EEFSEC: variants seen among roughly 807,000 people sequenced by gnomAD.
EEFSEC encodes eukaryotic elongation factor, selenocysteine-tRNA specific, also known as selenocysteine-specific elongation factor.
A neutral mutation model predicts 42.1 loss-of-function variants in EEFSEC; 43 were observed. The ratio of observed to expected loss-of-function variants is 1.02; its 90% CI spans 0.80 to 1.32. EEFSEC has a LOEUF of 1.32. Ranked by LOEUF, EEFSEC falls within the 40% of genes most tolerant of loss-of-function variation. The pLI, the probability that EEFSEC is intolerant of heterozygous loss-of-function variation, is 0.00. For synonymous variants in EEFSEC, 354 were observed against 339.1 expected, an observed-to-expected ratio of 1.04 and a Z score of -0.48; for missense variants, 745 against 803.6, an observed-to-expected ratio of 0.93 and a Z score of 0.88.
intron 1 of EEFSEC, among the ~76,000 whole-genome samples, chr3:128,171,702 T>C (rs1055785643): frequency 6.6e-6 from 1 of 152,174 alleles, no homozygotes; most frequent in Admixed American, 6.5e-5. Flanking sequence ...CCATAGGCCA[T>C]GTCTGCTTTT....
chr3:128,258,890 G>A (rs2107922584), intron 2 of EEFSEC, among the ~76,000 whole-genome samples: 1 of 152,254 alleles, frequency 6.6e-6, no homozygotes, highest in East Asian at 1.9e-4. Flanking sequence ...AGGGACACAT[G>A]CCCCTGCCTC....
chr3:128,276,208 G>A (rs2066466306), intron 4 of EEFSEC, among the ~76,000 whole-genome samples: 2 of 152,194 alleles, frequency 1.3e-5, no homozygotes, highest in Admixed American at 6.5e-5. Flanking sequence ...GCCTAGCAGG[G>A]TCTAATTCAT....
intron 5 of EEFSEC, among the ~76,000 whole-genome samples, chr3:128,343,681 G>A (rs7644685): frequency 0.015 from 2,272 of 152,290 alleles, 58 homozygotes; most frequent in African/African-American, 0.05. Context: ...TGTCAACAGC[G>A]GTGCAGCAGT....
At chr3:128,372,613 A>G (rs2067667065) in intron 6 of EEFSEC, among the ~76,000 whole-genome samples, 1 of 152,300 alleles carries the variant, frequency 6.6e-6, no homozygotes, top group Admixed American at 6.5e-5. Flanking sequence ...TACCACTGTT[A>G]CTGCCGATGT....
chr3:128,412,988 G>A (rs1162526870), downstream of EEFSEC, among the ~76,000 whole-genome samples: 1 of 152,152 alleles, frequency 6.6e-6, no homozygotes, highest in Admixed American at 6.5e-5. Context: ...CAGGCAGGGG[G>A]ATGGGGCATG....
intron 1 of EEFSEC, among the ~76,000 whole-genome samples, chr3:128,246,232 A>T (rs569658231): frequency 6.0e-4 from 3 of 4,966 alleles, no homozygotes; most frequent in Non-Finnish European, 2.0e-3. Context: ...GCGTGCACGC[A>T]CACACACACA....
At chr3:128,360,154 C>T (rs1271792920) in intron 6 of EEFSEC, among the ~76,000 whole-genome samples, 1 of 152,248 alleles carries the variant, frequency 6.6e-6, no homozygotes, top group Non-Finnish European at 1.5e-5. Flanking sequence ...TCTGTCCTGT[C>T]CTCCCCACTT....
intron 5 of EEFSEC, among the ~76,000 whole-genome samples, chr3:128,349,819 G>A (rs1426417076): frequency 6.6e-6 from 1 of 152,244 alleles, no homozygotes; most frequent in African/African-American, 2.4e-5. Context: ...CCAGGACATG[G>A]CAGGTATATG....
chr3:128,360,107 C>T (rs2067505788), intron 6 of EEFSEC, among the ~76,000 whole-genome samples: 1 of 152,240 alleles, frequency 6.6e-6, no homozygotes, highest in Admixed American at 6.5e-5. Flanking sequence ...CAGAGGCACC[C>T]AGCCATGGGA....
intron 4 of EEFSEC, among the ~76,000 whole-genome samples, chr3:128,318,388 G>A (rs1438183664): frequency 6.6e-6 from 1 of 152,198 alleles, no homozygotes; most frequent in Non-Finnish European, 1.5e-5. Flanking sequence ...GCCAGGTTGT[G>A]CAGTGGGGAC....
the EEFSEC span, among the ~76,000 whole-genome samples, chr3:128,415,828 T>C: frequency 1.3e-5 from 2 of 151,660 alleles, no homozygotes; most frequent in African/African-American, 4.8e-5. Flanking sequence ...AGAGGAGCGG[T>C]TTTGGGACCC....
At chr3:128,160,937 A>G (rs2065180387) in intron 1 of EEFSEC, among the ~76,000 whole-genome samples, 1 of 152,152 alleles carries the variant, frequency 6.6e-6, no homozygotes, top group East Asian at 1.9e-4. Flanking sequence ...ACTTACCATT[A>G]TTTAGTGCTT....
chr3:128,188,408 G>T (rs974608067), intron 1 of EEFSEC, among the ~76,000 whole-genome samples: 4 of 152,122 alleles, frequency 2.6e-5, no homozygotes, highest in African/African-American at 9.7e-5. Context: ...CTTTTTTGTG[G>T]GGTAGATGAA....
At chr3:128,289,068 GC>G (rs746365367) in intron 4 of EEFSEC, among the ~76,000 whole-genome samples, 20 of 152,136 alleles carry the variant, frequency 1.3e-4, no homozygotes, top group Non-Finnish European at 2.6e-4. Context: ...CAGCTTCCTC[GC>G]CCAGCATAGG....
At position 128,204,960 on chromosome 3, in the gene EEFSEC, G is replaced by C. The variant is rs763302482; in HGVS notation, c.317-41876G>C. Among the ~76,000 whole-genome samples the C allele has an allele frequency of 2.0e-5, 3 of 152,154 alleles. No homozygotes were observed. In the East Asian group the frequency reaches 5.8e-4, roughly 29 times the overall value. The stretch of plus-strand genomic sequence containing the variant: ...CCCATTAGGTACTTTTGTCTGCTGC[G>C]TGACGGGCTTCCCTAGAAGAGTTGT... On this transcript the variant is annotated intron_variant, in intron 1 of 6. Coordinates refer to ENST00000254730, the MANE Select transcript of EEFSEC (RefSeq NM_021937.5).
intron 1 of EEFSEC, among the ~76,000 whole-genome samples, chr3:128,161,117 C>T (rs2065181684): frequency 6.6e-6 from 1 of 152,154 alleles, no homozygotes; most frequent in Non-Finnish European, 1.5e-5. Flanking sequence ...CTGCACAGCC[C>T]ATACGCTGGC....
chr3:128,303,021 A>G (rs1257608903), intron 4 of EEFSEC, among the ~76,000 whole-genome samples: 1 of 152,248 alleles, frequency 6.6e-6, no homozygotes, highest in Non-Finnish European at 1.5e-5. Flanking sequence ...ATCCCATTGT[A>G]TGTAACTTGA....
intron 6 of EEFSEC, among the ~76,000 whole-genome samples, chr3:128,379,077 C>G (rs2067743462): frequency 2.0e-5 from 3 of 152,220 alleles, no homozygotes; most frequent in Non-Finnish European, 4.4e-5. Flanking sequence ...CTTAGCCCGC[C>G]ACTGCCCTTT....
At chr3:128,154,611 G>A (rs558725611) in intron 1 of EEFSEC, among the ~76,000 whole-genome samples, 3 of 152,002 alleles carry the variant, frequency 2.0e-5, no homozygotes, top group African/African-American at 7.2e-5. Flanking sequence ...CACCACGCCC[G>A]GCTAATTTTT....
Sources: gnomAD v4.1 joint callset for allele counts (sites outside exome capture counted in the v4.1 genomes callset) on GRCh38, gnomAD v4.1.1 for gene constraint, MANE v1.5 for transcripts, NCBI Gene and HGNC (gene_info 2026-07-23, HGNC 2026-07-21) for gene names.